Variants in SGCZ observed in about 807,000 individuals in gnomAD.
SGCZ encodes the protein sarcoglycan zeta, also known as zeta-sarcoglycan.
In SGCZ, 40 loss-of-function variants were observed where a neutral mutation model predicts 41.3. That is an observed-to-expected ratio of 0.97 (90% CI 0.75 to 1.26). SGCZ has a LOEUF of 1.26. Among genes scored for constraint, SGCZ ranks in the 50% most tolerant of loss-of-function variants. The pLI, the probability that SGCZ is intolerant of heterozygous loss-of-function variation, is 0.00. For missense variants in SGCZ, 552 were observed against 369.8 expected, an observed-to-expected ratio of 1.49 and a Z score of -4.04; for synonymous variants, 206 against 137.5, an observed-to-expected ratio of 1.50 and a Z score of -3.49.
intron 3 of SGCZ, among the ~76,000 whole-genome samples, chr8:14,271,781 A>G (rs1800068448): frequency 6.6e-6 from 1 of 152,118 alleles, no homozygotes; most frequent in African/African-American, 2.4e-5. Flanking sequence ...GAAGATCCTG[A>G]TTCATATCTA....
At chr8:15,051,794 G>T (rs953047331) in intron 1 of SGCZ, among the ~76,000 whole-genome samples, 3 of 152,102 alleles carry the variant, frequency 2.0e-5, no homozygotes, top group African/African-American at 7.2e-5. Context: ...ATGCATGTGG[G>T]TTTGAAACCA....
chr8:14,993,906 G>C (rs987465467), intron 1 of SGCZ, among the ~76,000 whole-genome samples: 6 of 152,274 alleles, frequency 3.9e-5, no homozygotes, highest in East Asian at 1.9e-4. Context: ...ACTTTGCTTA[G>C]ATTTTAATGG....
chr8:14,682,160 T>C (rs932658466), intron 1 of SGCZ, among the ~76,000 whole-genome samples: 1 of 151,980 alleles, frequency 6.6e-6, no homozygotes, highest in Non-Finnish European at 1.5e-5. Flanking sequence ...GTTCAGAGAA[T>C]AGCCGATCAA....
intron 1 of SGCZ, among the ~76,000 whole-genome samples, chr8:14,959,951 C>G (rs545769763): frequency 6.6e-6 from 1 of 152,264 alleles, no homozygotes; most frequent in South Asian, 2.1e-4. Context: ...GCTGAGCAAC[C>G]AATCAAAACT....
At chr8:15,107,295 T>C (rs1806867263) in intron 1 of SGCZ, among the ~76,000 whole-genome samples, 1 of 152,198 alleles carries the variant, frequency 6.6e-6, no homozygotes, top group Admixed American at 6.5e-5. Context: ...TGGTCTGTAT[T>C]CACCAAAACT....
chr8:15,150,855 A>G (rs1036049419), intron 1 of SGCZ, among the ~76,000 whole-genome samples: 1 of 152,148 alleles, frequency 6.6e-6, no homozygotes, highest in Non-Finnish European at 1.5e-5. Flanking sequence ...GCAGCTGACT[A>G]AAGTCTGGTG....
intron 1 of SGCZ, among the ~76,000 whole-genome samples, chr8:15,222,563 C>A (rs1801639946): frequency 6.6e-6 from 1 of 152,124 alleles, no homozygotes; most frequent in Admixed American, 6.5e-5. Flanking sequence ...AGTTGTCTAT[C>A]AGAGAATTAG....
chr8:15,026,332 T>A (rs1435487282), intron 1 of SGCZ, among the ~76,000 whole-genome samples: 5 of 152,176 alleles, frequency 3.3e-5, no homozygotes, highest in African/African-American at 1.2e-4. Context: ...GTTATATTTG[T>A]TTTCAAACAC....
chr8:14,225,221 G>T (rs937071231), intron 4 of SGCZ, among the ~76,000 whole-genome samples: 2 of 151,962 alleles, frequency 1.3e-5, no homozygotes, highest in Non-Finnish European at 2.9e-5. Context: ...GTTTAAGAAG[G>T]TTACTCATAG....
intron 1 of SGCZ, among the ~76,000 whole-genome samples, chr8:15,114,519 C>A (rs187115338): frequency 6.6e-6 from 1 of 152,222 alleles, no homozygotes; most frequent in Admixed American, 6.5e-5. Flanking sequence ...CCATCTCAAG[C>A]CTTGAATCAC....
chr8:14,378,237 T>A (rs1469816201), intron 2 of SGCZ, among the ~76,000 whole-genome samples: 1 of 151,454 alleles, frequency 6.6e-6, no homozygotes, highest in African/African-American at 2.4e-5. Flanking sequence ...TGGTGTGAGA[T>A]GGTATCTCAT....
At chr8:15,080,421 G>C (rs1805697331) in intron 1 of SGCZ, among the ~76,000 whole-genome samples, 1 of 152,040 alleles carries the variant, frequency 6.6e-6, no homozygotes, top group African/African-American at 2.4e-5. Flanking sequence ...TCTCCAAAGA[G>C]CTGGTTGGTA....
chr8:15,222,911 T>C (rs1413291552), intron 1 of SGCZ, among the ~76,000 whole-genome samples: 4 of 152,130 alleles, frequency 2.6e-5, no homozygotes, highest in Non-Finnish European at 5.9e-5. Context: ...AAACTGATAA[T>C]TGCCAACATT....
In SGCZ at chr8:14,503,763, T is replaced by C. The variant is rs1302998525; in HGVS notation, c.234+50969A>G. 3.3e-5 allele frequency among the ~76,000 whole-genome samples: 5 copies of C among 152,134 alleles called. No individual in the cohort carries two copies. In the South Asian group the frequency reaches 1.0e-3, roughly 32 times the overall value. On this transcript the variant is annotated intron_variant, in intron 2 of 7. Transcript: ENST00000382080. ...AGCCTGGTGACAGAGCAAGACTCCA[T>C]CTAAAAAACAATAATAAAATAAAAT...
intron 7 of SGCZ, among the ~76,000 whole-genome samples, chr8:14,091,413 C>T (rs1011295917): frequency 2.0e-5 from 3 of 152,030 alleles, no homozygotes; most frequent in Admixed American, 6.6e-5. Flanking sequence ...AATGTCTTCA[C>T]TGTCTTCCAC....
At chr8:14,936,826 G>A (rs1243006742) in intron 1 of SGCZ, among the ~76,000 whole-genome samples, 2 of 151,484 alleles carry the variant, frequency 1.3e-5, no homozygotes. Flanking sequence ...AACAAATCAA[G>A]ATAAAAATAA....
At chr8:14,164,824 T>C (rs887992704) in intron 4 of SGCZ, 122 bp from the exon 5 acceptor site, 1 of 1,205,262 alleles carries the variant, frequency 8.3e-7, no homozygotes, top group African/African-American at 1.5e-5. Flanking sequence ...CTGTATGTTT[T>C]GCATCTGAGT....
intron 1 of SGCZ, among the ~76,000 whole-genome samples, chr8:14,775,951 T>C (rs1344476262): frequency 6.6e-6 from 1 of 152,140 alleles, no homozygotes; most frequent in Admixed American, 6.5e-5. Context: ...TGGACTCTCT[T>C]GCATCTGGGC....
intron 1 of SGCZ, among the ~76,000 whole-genome samples, chr8:14,994,520 G>A (rs1401297497): frequency 6.6e-6 from 1 of 151,764 alleles, no homozygotes; most frequent in African/African-American, 2.4e-5. Context: ...GGAGGCGGCG[G>A]TTGCAGTGAG....
Sources: gnomAD v4.1 joint callset for allele counts (sites outside exome capture counted in the v4.1 genomes callset) on GRCh38, gnomAD v4.1.1 for gene constraint, MANE v1.5 for transcripts, NCBI Gene and HGNC (gene_info 2026-07-23, HGNC 2026-07-21) for gene names.